Variants in CARMIL1 observed in about 807,000 individuals in gnomAD.
CARMIL1 encodes capping protein regulator and myosin 1 linker 1.
CARMIL1 carries 90 observed loss-of-function variants against 177.1 expected under a neutral mutation model. That is an observed-to-expected ratio of 0.51 (90% CI 0.43 to 0.61). The LOEUF (loss-of-function observed/expected upper bound fraction) is 0.61, where lower values mean the gene tolerates loss of function less well. Ranked by LOEUF, CARMIL1 falls within the 20% of genes least tolerant of loss-of-function variation. The pLI, the probability that CARMIL1 is intolerant of heterozygous loss-of-function variation, is 0.00. For missense variants in CARMIL1, 1,380 were observed against 1,667.0 expected, an observed-to-expected ratio of 0.83 and a Z score of 3.00; for synonymous variants, 577 against 606.2, an observed-to-expected ratio of 0.95 and a Z score of 0.71.
intron 2 of CARMIL1, among the ~76,000 whole-genome samples, chr6:25,343,303 A>G (rs1419194769): frequency 1.4e-5 from 2 of 147,102 alleles, no homozygotes; most frequent in African/African-American, 5.1e-5. Flanking sequence ...GTTAGCTAAA[A>G]TCAGTATTTT....
rs1805264806 is a variant in CARMIL1, at chr6:25,509,580, C to G, written c.1396-76C>G. ...AAGTTTATTTTAAGACTGACTGTCTCTCCTATTTTTAATTTTTTGATTACA... is the reference window on the plus strand; with the variant it reads ...AAGTTTATTTTAAGACTGACTGTCTGTCCTATTTTTAATTTTTTGATTACA... On this transcript the variant is annotated intron_variant, in intron 17 of 36. Transcript: ENST00000329474. This position sits in a 1 kb window ranked among gnomAD's most constrained non-coding sequence, Gnocchi z 4.1. 1.1e-6 allele frequency: 1 copy of G among 914,298 alleles called. No homozygotes were observed. Among genetic ancestry groups the G allele is most frequent in the African/African-American group, 1.7e-5 (1 of 59,752 alleles). The allele number at this position is 914,298 out of a possible 1,614,324, so 56.6% of individuals were successfully genotyped here. A position where few individuals can be genotyped will look rare whatever the true frequency, so the allele number is the denominator to read the frequency against.
chr6:25,541,625 A>G (rs1270784709), intron 26 of CARMIL1, among the ~76,000 whole-genome samples: 3 of 152,062 alleles, frequency 2.0e-5, no homozygotes, highest in Admixed American at 2.0e-4. Context: ...AATATTTTTC[A>G]ATGTAATGGG....
intron 32 of CARMIL1, among the ~76,000 whole-genome samples, chr6:25,598,017 G>A (rs1472382895): frequency 1.3e-5 from 2 of 151,946 alleles, no homozygotes; most frequent in East Asian, 3.9e-4. Flanking sequence ...CCTGCTCCTG[G>A]AAGCATTTGG....
chr6:25,354,842 A>G (rs1026175708), intron 2 of CARMIL1, among the ~76,000 whole-genome samples: 1 of 152,134 alleles, frequency 6.6e-6, no homozygotes, highest in Non-Finnish European at 1.5e-5. Flanking sequence ...ATCTATATCC[A>G]TTCCAACAGT....
chr6:25,391,341 GACA>G (rs1240207860), intron 2 of CARMIL1, among the ~76,000 whole-genome samples: 1 of 152,128 alleles, frequency 6.6e-6, no homozygotes, highest in Non-Finnish European at 1.5e-5. Flanking sequence ...TCCCAACCTG[GACA>G]GTCTTAAGGA....
chr6:25,569,744 T>C (rs1811891630), intron 29 of CARMIL1, among the ~76,000 whole-genome samples: 1 of 152,208 alleles, frequency 6.6e-6, no homozygotes, highest in African/African-American at 2.4e-5. Context: ...TGAACTATGA[T>C]GTCCATTCTA....
At chr6:25,416,811 T>C (rs1795393581) in intron 2 of CARMIL1, among the ~76,000 whole-genome samples, 1 of 152,210 alleles carries the variant, frequency 6.6e-6, no homozygotes, top group Non-Finnish European at 1.5e-5. Context: ...CAGGGAATTT[T>C]AGGTCTTTGA....
Position 25,326,285 on chromosome 6 carries a change from G to T in CARMIL1, c.138+41376G>T, listed in dbSNP as rs527360458. ...GGCAGATTCAATATATTGTGCAAAGGCCCTGAGGAAGTGTGTGGTTTTAGT... is the reference window on the plus strand; with the variant it reads ...GGCAGATTCAATATATTGTGCAAAGTCCCTGAGGAAGTGTGTGGTTTTAGT... On this transcript the variant is annotated intron_variant, in intron 2 of 36. Transcript: ENST00000329474. This position sits in a 1 kb window ranked among gnomAD's most constrained non-coding sequence, Gnocchi z 4.2. Among the ~76,000 whole-genome samples the T allele has an allele frequency of 3.9e-5, 6 of 152,188 alleles. No individual in the cohort carries two copies. Among genetic ancestry groups the T allele is most frequent in the East Asian group, 3.8e-4 (2 of 5,196 alleles).
intron 2 of CARMIL1, among the ~76,000 whole-genome samples, chr6:25,309,766 CTTTTTT>C (rs34514583): frequency 0.029 from 3,433 of 116,946 alleles, 56 homozygotes; most frequent in Non-Finnish European, 0.046. Context: ...TATACCACAT[CTTTTTT>C]TTTTTTTTTT....
chr6:25,335,109 A>G (rs1469696171), intron 2 of CARMIL1, among the ~76,000 whole-genome samples: 2 of 152,290 alleles, frequency 1.3e-5, no homozygotes, highest in East Asian at 3.9e-4. Context: ...ACTGTCCTGC[A>G]TGGGGTTATG....
Position 25,467,971 on chromosome 6 carries a change from A to T in CARMIL1, c.690+2023A>T, listed in dbSNP as rs973136894. Among the ~76,000 whole-genome samples, 4 of 152,256 alleles carry T rather than the reference A, an allele frequency of 2.6e-5. No individual in the cohort carries two copies. The East Asian group carries it at 7.7e-4, about 29-fold the overall frequency. ...CAGAGCACTGTCTAACATTGGGTTT[A>T]TTCAAAGAAAAGGACAATGTGAAGA... On this transcript the variant is annotated intron_variant, in intron 9 of 36. Transcript: ENST00000329474.
intron 11 of CARMIL1, among the ~76,000 whole-genome samples, chr6:25,477,430 G>C (rs1254069604): frequency 2.0e-5 from 3 of 152,102 alleles, no homozygotes; most frequent in Admixed American, 6.6e-5. Context: ...ATACCCTCCT[G>C]CTCTCTTTCT....
chr6:25,374,719 T>C (rs905910456), intron 2 of CARMIL1, among the ~76,000 whole-genome samples: 3 of 152,218 alleles, frequency 2.0e-5, no homozygotes, highest in Non-Finnish European at 2.9e-5. Flanking sequence ...TGCATGTATA[T>C]CTAGGATTGT....
At position 25,340,777 on chromosome 6, in the gene CARMIL1, G is replaced by GTTTTTTTTTTTTTTTTTTTTT. The variant is rs34928775; in HGVS notation, c.138+55875_138+55895dup. On this transcript the variant is annotated intron_variant, in intron 2 of 36. Coordinates refer to ENST00000329474, the MANE Select transcript of CARMIL1 (RefSeq NM_017640.6). ...AAGCTGGAGAAGGCTGTCAATGAAG[G>GTTTTTTTTTTTTTTTTTTTTT]TTTTTTTTTTTTTTTTTTTTTTTTT... Among the ~76,000 whole-genome samples, 3 of 86,134 alleles carry GTTTTTTTTTTTTTTTTTTTTT rather than the reference G, an allele frequency of 3.5e-5. 1 individual carries two copies. The highest frequency in any genetic ancestry group is 1.2e-4 in the African/African-American group (3 of 25,068). The allele number at this position is 86,134 out of a possible 152,430, so 56.5% of individuals were successfully genotyped here.
At chr6:25,588,572 T>G (rs1331257819) in intron 31 of CARMIL1, among the ~76,000 whole-genome samples, 1 of 152,226 alleles carries the variant, frequency 6.6e-6, no homozygotes, top group Non-Finnish European at 1.5e-5. Context: ...TAACTGCAGG[T>G]GAGCATTCTA....
intron 28 of CARMIL1, 88 bp from the exon 29 acceptor site, chr6:25,556,613 C>T (rs2151180644): frequency 7.8e-7 from 1 of 1,275,154 alleles, no homozygotes; most frequent in Non-Finnish European, 1.1e-6. Flanking sequence ...TCCACTGCGC[C>T]ATCTTGTGGA....
At chr6:25,483,482 A>T (rs1802314813) in intron 12 of CARMIL1, among the ~76,000 whole-genome samples, 1 of 152,052 alleles carries the variant, frequency 6.6e-6, no homozygotes, top group Non-Finnish European at 1.5e-5. Flanking sequence ...TTCTGTCACA[A>T]AGTGCTTAGT....
In CARMIL1 at chr6:25,472,457, A is replaced by G; in HGVS notation, c.810A>G (p.Leu270=). 6.3e-7 allele frequency: 1 copy of G among 1,581,888 alleles called. No individual in the cohort carries two copies. Among genetic ancestry groups the G allele is most frequent in the Non-Finnish European group, 8.6e-7 (1 of 1,163,070 alleles). The part of the protein sequence containing the change: ...TDFAQKLASA[L]AHNPNSGLHT... The stretch of plus-strand genomic sequence containing the variant: ...TTGCACAAAAACTGGCCAGTGCTCT[A>G]GCACATAATCCCAACTCAGGACTCC... Residue 270 remains leucine, a synonymous_variant, in exon 11 of 37, where the codon CTA becomes CTG. Coordinates refer to ENST00000329474, the MANE Select transcript of CARMIL1 (RefSeq NM_017640.6).
intron 2 of CARMIL1, among the ~76,000 whole-genome samples, chr6:25,370,873 A>G (rs530181455): frequency 8.8e-4 from 134 of 152,178 alleles, no homozygotes; most frequent in African/African-American, 2.9e-3. Flanking sequence ...ATCTGTGTAT[A>G]TTGTACCCAA....
Sources: gnomAD v4.1 joint callset for allele counts (sites outside exome capture counted in the v4.1 genomes callset) on GRCh38, gnomAD v4.1.1 for gene constraint, Gnocchi (gnomAD v3.1) non-coding constraint, MANE v1.5 for transcripts, NCBI Gene and HGNC (gene_info 2026-07-23, HGNC 2026-07-21) for gene names.